The following PCSK2 variants were observed in gnomAD, a reference collection of about 807,000 sequenced individuals.
The protein encoded by PCSK2 is neuroendocrine convertase 2.
Under a neutral mutation model 69.7 loss-of-function variants are expected in PCSK2, and 14 were observed. The ratio of observed to expected loss-of-function variants is 0.20; its 90% CI spans 0.13 to 0.31. The LOEUF (loss-of-function observed/expected upper bound fraction) is 0.31. Ranked by LOEUF, PCSK2 falls within the 10% of genes least tolerant of loss-of-function variation. PCSK2 has a pLI of 1.00. For synonymous variants in PCSK2, 307 were observed against 320.7 expected (o/e 0.96, Z 0.46); for missense variants, 544 against 842.5 (o/e 0.65, Z 4.39).
At chr20:17,387,389 C>G (rs1195094303) in intron 5 of PCSK2, among the ~76,000 whole-genome samples, 1 of 152,106 alleles carries the variant, frequency 6.6e-6, no homozygotes, top group South Asian at 2.1e-4. Context: ...CTGGGTGGCT[C>G]CGTGTTTCTC....
At chr20:17,427,179 C>G (rs994683566) in intron 6 of PCSK2, among the ~76,000 whole-genome samples, 2 of 152,158 alleles carry the variant, frequency 1.3e-5, no homozygotes, top group Non-Finnish European at 2.9e-5. Context: ...ATGTAACTCT[C>G]TCAGCACAGG....
At chr20:17,311,980 C>A (rs1600479954) in intron 2 of PCSK2, among the ~76,000 whole-genome samples, 1 of 152,184 alleles carries the variant, frequency 6.6e-6, no homozygotes, top group Non-Finnish European at 1.5e-5. Flanking sequence ...TAACTGAACA[C>A]AGGGACCAAA....
At chr20:17,455,828 T>G (rs6044834) in intron 9 of PCSK2, among the ~76,000 whole-genome samples, 22,222 of 152,280 alleles carry the variant, frequency 0.15, 1,719 homozygotes, top group African/African-American at 0.18. Flanking sequence ...TAACTGACTA[T>G]ATATCCCCTT....
At chr20:17,376,745 G>T (rs2030939537) in intron 5 of PCSK2, among the ~76,000 whole-genome samples, 1 of 152,208 alleles carries the variant, frequency 6.6e-6, no homozygotes, top group Admixed American at 6.5e-5. Context: ...CTACATCACA[G>T]TTAGATCATA....
At chr20:17,289,805 T>C (rs1397087454) in intron 2 of PCSK2, among the ~76,000 whole-genome samples, 1 of 152,208 alleles carries the variant, frequency 6.6e-6, no homozygotes, top group African/African-American at 2.4e-5. Flanking sequence ...TTTTTCATTG[T>C]ATGGTTATAG....
At chr20:17,426,879 T>C (rs899040334) in intron 6 of PCSK2, among the ~76,000 whole-genome samples, 10 of 152,232 alleles carry the variant, frequency 6.6e-5, no homozygotes, top group Non-Finnish European at 1.5e-4. Context: ...AAAATACCCT[T>C]GCAGCAACAC....
At chr20:17,308,675 G>A (rs570329411) in intron 2 of PCSK2, among the ~76,000 whole-genome samples, 24 of 152,140 alleles carry the variant, frequency 1.6e-4, no homozygotes, top group Admixed American at 7.9e-4. Context: ...AATTTAAACC[G>A]AGTTCAGCTA....
At chr20:17,310,717 G>A (rs1224153741) in intron 2 of PCSK2, among the ~76,000 whole-genome samples, 1 of 150,974 alleles carries the variant, frequency 6.6e-6, no homozygotes. Flanking sequence ...TATTCATGGA[G>A]GCAGTGGCTG....
In PCSK2 at chr20:17,453,942, C is replaced by A; in HGVS notation, c.1086C>A (p.Asn362Lys). ...CCTTCAGCAACGGGAGGAAAAGGAACCCCGAGGCCGGTGTGGTGAGCACGT... is the reference window on the plus strand; with the variant it reads ...CCTTCAGCAACGGGAGGAAAAGGAAACCCGAGGCCGGTGTGGTGAGCACGT... ...ASTFSNGRKR[N>K]PEAGVATTDL... Residue 362 changes from asparagine (N) to lysine (K), a missense_variant, in exon 9 of 12, where the codon AAC (asparagine) becomes AAA (lysine). This residue lies in a region of PCSK2 where 187 missense variants were observed against 399.8 expected (regional missense o/e 0.47). Transcript: ENST00000262545. This position sits in a 1 kb window ranked among gnomAD's most constrained non-coding sequence, Gnocchi z 4.0. 3 of 1,614,222 alleles carry A rather than the reference C, an allele frequency of 1.9e-6. No individual in the cohort carries two copies. Among genetic ancestry groups the A allele is most frequent in the Non-Finnish European group, 1.7e-6 (2 of 1,180,040 alleles).
intron 10 of PCSK2, among the ~76,000 whole-genome samples, chr20:17,460,029 G>A (rs1215279365): frequency 6.6e-6 from 1 of 152,188 alleles, no homozygotes; most frequent in Non-Finnish European, 1.5e-5. Context: ...AGAAAATACA[G>A]AGATAAGGAA....
At chr20:17,318,373 T>C (rs1989754285) in intron 2 of PCSK2, among the ~76,000 whole-genome samples, 1 of 152,192 alleles carries the variant, frequency 6.6e-6, no homozygotes, top group Admixed American at 6.5e-5. Flanking sequence ...ATCCAAAATG[T>C]ATTGAAGTCG....
chr20:17,294,705 C>T (rs1372738416), intron 2 of PCSK2, among the ~76,000 whole-genome samples: 1 of 152,172 alleles, frequency 6.6e-6, no homozygotes, highest in African/African-American at 2.4e-5. Flanking sequence ...GTTTATAGGA[C>T]TTTTCCTTTA....
In PCSK2 at chr20:17,276,506, T is replaced by A. The variant is rs533708510; in HGVS notation, c.282+16162T>A. 2.6e-5 allele frequency among the ~76,000 whole-genome samples: 4 copies of A among 151,844 alleles called. 1 individual carries two copies. The South Asian group carries it at 8.3e-4, about 32-fold the overall frequency. On this transcript the variant is annotated intron_variant, in intron 2 of 11. Coordinates refer to ENST00000262545, the MANE Select transcript of PCSK2 (RefSeq NM_002594.5). ...TACCATGTTTATATTTTTTCTGGCT[T>A]TTGAATATAGATGTATCACAAGATG...
intron 8 of PCSK2, among the ~76,000 whole-genome samples, chr20:17,452,246 C>G (rs910387601): frequency 7.2e-5 from 1 of 13,946 alleles, no homozygotes; most frequent in Admixed American, 1.1e-3. Context: ...TCCTCCACAC[C>G]AACTGTAGGG....
chr20:17,348,983 C>A (rs2029893543), intron 2 of PCSK2, among the ~76,000 whole-genome samples: 1 of 152,170 alleles, frequency 6.6e-6, no homozygotes, highest in South Asian at 2.1e-4. Context: ...CGTTAACCAG[C>A]CACTTGGTGT....
At chr20:17,443,263 CA>C (rs1168080596) in intron 8 of PCSK2, among the ~76,000 whole-genome samples, 1 of 152,190 alleles carries the variant, frequency 6.6e-6, no homozygotes, top group Non-Finnish European at 1.5e-5. Context: ...AAATTCAACC[CA>C]TCTGAAACAG....
intron 3 of PCSK2, 74 bp downstream of exon 3, chr20:17,358,514 A>T (rs1477679579): frequency 2.4e-6 from 2 of 829,272 alleles, no homozygotes; most frequent in Non-Finnish European, 4.1e-6. Flanking sequence ...CTGTATCCTC[A>T]TTATTCACTA....
intron 11 of PCSK2, among the ~76,000 whole-genome samples, chr20:17,475,801 T>A (rs569039898): frequency 6.6e-6 from 1 of 152,338 alleles, no homozygotes; most frequent in East Asian, 1.9e-4. Context: ...ATTAGTGATG[T>A]TTTATAATAT....
At chr20:17,409,087 G>A (rs530884572) in intron 5 of PCSK2, among the ~76,000 whole-genome samples, 176 bp from the exon 6 acceptor site, 60 of 152,306 alleles carry the variant, frequency 3.9e-4, no homozygotes, top group African/African-American at 1.3e-3. Flanking sequence ...ATCAAGAGAG[G>A]ATGGAAAACC....
Sources: allele counts gnomAD v4.1 joint callset (sites outside exome capture counted in the v4.1 genomes callset), GRCh38; gene constraint gnomAD v4.1.1; regional missense constraint gnomAD v4.1.1; non-coding constraint Gnocchi (gnomAD v3.1); transcripts MANE v1.5; gene names NCBI Gene and HGNC (gene_info 2026-07-23, HGNC 2026-07-21).